The following APLF variants were observed in gnomAD, a reference collection of about 807,000 sequenced individuals.
APLF encodes aprataxin and PNKP like factor.
A neutral mutation model predicts 55.6 loss-of-function variants in APLF; 61 were observed. The ratio of observed to expected loss-of-function variants is 1.10; its 90% CI spans 0.89 to 1.36. The LOEUF (loss-of-function observed/expected upper bound fraction) is 1.36, where lower values mean the gene tolerates loss of function less well. APLF is among the 40% of genes most tolerant of loss of function. APLF has a pLI of 0.00. For synonymous variants in APLF, 207 were observed against 214.8 expected (o/e 0.96, Z 0.32); for missense variants, 611 against 602.5 (o/e 1.01, Z -0.15).
intron 3 of APLF, among the ~76,000 whole-genome samples, chr2:68,512,355 A>G (rs1037147780): frequency 5.9e-5 from 9 of 151,866 alleles, no homozygotes; most frequent in Admixed American, 6.6e-5. Context: ...GGATTCATCT[A>G]TATTCTTGCA....
Position 68,568,665 on chromosome 2 carries a change from G to T in APLF, c.1333+1278G>T, listed in dbSNP as rs1250569425. On this transcript the variant is annotated intron_variant, in intron 9 of 9. Coordinates refer to ENST00000303795, the MANE Select transcript of APLF (RefSeq NM_173545.3). ...TTTGACACATTTATATAACTTTATA[G>T]AAATAGGAAATATTTATCTAAAAAC... Among the ~76,000 whole-genome samples the T allele has an allele frequency of 2.0e-5, 3 of 152,022 alleles. No homozygotes were observed. The East Asian group carries it at 5.8e-4, about 29-fold the overall frequency.
intron 7 of APLF, among the ~76,000 whole-genome samples, chr2:68,542,620 G>C (rs1317614870): frequency 6.6e-6 from 1 of 152,114 alleles, no homozygotes; most frequent in East Asian, 1.9e-4. Context: ...ACACCTATTA[G>C]GGTGGCTGCT....
intron 9 of APLF, among the ~76,000 whole-genome samples, chr2:68,575,134 A>G (rs894945208): frequency 3.3e-5 from 5 of 151,248 alleles, no homozygotes; most frequent in African/African-American, 1.2e-4. Context: ...GGGTGTGTAC[A>G]TGGTATGGGG....
chr2:68,474,410 C>G (rs1675710693), intron 1 of APLF, among the ~76,000 whole-genome samples: 1 of 152,182 alleles, frequency 6.6e-6, no homozygotes, highest in African/African-American at 2.4e-5. Context: ...CTGAAGCTAT[C>G]TAGGGGCTGC....
chr2:68,568,654 A>G (rs1194708452), intron 9 of APLF, among the ~76,000 whole-genome samples: 3 of 152,190 alleles, frequency 2.0e-5, no homozygotes, highest in African/African-American at 7.2e-5. Context: ...ACACATTTAT[A>G]TAACTTTATA....
chr2:68,484,405 A>AG (rs1330662183), intron 1 of APLF, among the ~76,000 whole-genome samples: 1 of 152,102 alleles, frequency 6.6e-6, no homozygotes, highest in African/African-American at 2.4e-5. Flanking sequence ...AATGCAGTTT[A>AG]GGGCTGGGCA....
intron 5 of APLF, among the ~76,000 whole-genome samples, chr2:68,520,986 A>T (rs1307835792): frequency 1.3e-5 from 2 of 151,922 alleles, no homozygotes; most frequent in Non-Finnish European, 2.9e-5. Flanking sequence ...GTCATCTATG[A>T]TTTCTTTCAG....
chr2:68,519,816 C>T (rs765927302), intron 5 of APLF, among the ~76,000 whole-genome samples: 3 of 151,518 alleles, frequency 2.0e-5, no homozygotes, highest in Non-Finnish European at 1.5e-5. Flanking sequence ...GACTTCTTTT[C>T]TTCTGGGTAG....
intron 8 of APLF, among the ~76,000 whole-genome samples, chr2:68,565,066 CAG>C (rs1224447745): frequency 6.6e-6 from 1 of 152,050 alleles, no homozygotes; most frequent in Non-Finnish European, 1.5e-5. Context: ...TTGGACAACA[CAG>C]AGCAAATTTC....
At chr2:68,541,981 A>G (rs1670565707) in intron 7 of APLF, among the ~76,000 whole-genome samples, 1 of 152,220 alleles carries the variant, frequency 6.6e-6, no homozygotes, top group Non-Finnish European at 1.5e-5. Context: ...CTATAAATAA[A>G]TCCTCATATA....
At chr2:68,519,144 T>C (rs1461705717) in intron 5 of APLF, among the ~76,000 whole-genome samples, 1 of 136,008 alleles carries the variant, frequency 7.4e-6, no homozygotes, top group Non-Finnish European at 1.5e-5. Flanking sequence ...ACATTTTATA[T>C]ATATATAAAG....
In APLF at chr2:68,578,877, T is replaced by A. The variant is rs1349209807; in HGVS notation, c.*855T>A. On this transcript the variant is annotated 3_prime_UTR_variant, in exon 10 of 10. Coordinates refer to ENST00000303795, the MANE Select transcript of APLF (RefSeq NM_173545.3). ...TTGTTTGCCAGTTGAAAGTTCAAGATTCTGGCCTCCCATATCAAGAAGAAA... is the reference window on the plus strand; with the variant it reads ...TTGTTTGCCAGTTGAAAGTTCAAGAATCTGGCCTCCCATATCAAGAAGAAA... 1.0e-6 allele frequency: 1 copy of A among 985,234 alleles called. No homozygotes were observed. The highest frequency in any genetic ancestry group is 1.2e-6 in the Non-Finnish European group (1 of 829,888). The allele number at this position is 985,234 out of a possible 1,614,324, so 61.0% of individuals were successfully genotyped here.
chr2:68,579,211 T>C lies in APLF; in HGVS notation c.*1189T>C. Reference sequence around the variant, plus strand: ...TGCTTTAAAATATATCTCCCAGTAATTATACAATATTTAATATTTACTTAA... The same window carrying C: ...TGCTTTAAAATATATCTCCCAGTAACTATACAATATTTAATATTTACTTAA... On this transcript the variant is annotated 3_prime_UTR_variant, in exon 10 of 10. Transcript: ENST00000303795. 1 of 745,078 alleles carries C rather than the reference T, an allele frequency of 1.3e-6. No homozygotes were observed. Among genetic ancestry groups the C allele is most frequent in the Non-Finnish European group, 1.6e-6 (1 of 611,080 alleles). The allele number at this position is 745,078 out of a possible 1,614,324, so 46.2% of individuals were successfully genotyped here.
intron 8 of APLF, chr2:68,563,260 A>G: frequency 2.0e-6 from 2 of 985,226 alleles, no homozygotes; most frequent in Non-Finnish European, 2.4e-6. Flanking sequence ...AAACCTGTAC[A>G]TGTACCTAAC....
At chr2:68,547,771 C>A (rs554873331) in intron 8 of APLF, among the ~76,000 whole-genome samples, 1 of 151,494 alleles carries the variant, frequency 6.6e-6, no homozygotes. Flanking sequence ...GTAAATTACC[C>A]AGTCTCAGGT....
intron 1 of APLF, among the ~76,000 whole-genome samples, chr2:68,481,329 G>C (rs1227994870): frequency 6.6e-6 from 1 of 151,962 alleles, no homozygotes; most frequent in African/African-American, 2.4e-5. Flanking sequence ...CATTTCTAAA[G>C]GATAGCTTTA....
At chr2:68,532,713 C>T (rs535988528) in intron 6 of APLF, among the ~76,000 whole-genome samples, 78 of 152,270 alleles carry the variant, frequency 5.1e-4, no homozygotes, top group African/African-American at 1.8e-3. Context: ...AACTCCTTCC[C>T]AGTTATGTGA....
At chr2:68,541,691 C>T (rs1335126595) in intron 7 of APLF, among the ~76,000 whole-genome samples, 1 of 152,180 alleles carries the variant, frequency 6.6e-6, no homozygotes, top group Non-Finnish European at 1.5e-5. Context: ...TGCAAGCAGC[C>T]ATAGACAGCA....
At chr2:68,554,134 C>G (rs1054764494) in intron 8 of APLF, among the ~76,000 whole-genome samples, 1 of 151,962 alleles carries the variant, frequency 6.6e-6, no homozygotes, top group African/African-American at 2.4e-5. Context: ...AACATAAAAA[C>G]TGTACGTATA....
Sources: gnomAD v4.1 joint callset for allele counts (sites outside exome capture counted in the v4.1 genomes callset) on GRCh38, gnomAD v4.1.1 for gene constraint, MANE v1.5 for transcripts, NCBI Gene and HGNC (gene_info 2026-07-23, HGNC 2026-07-21) for gene names.